TNFRSF8: variants seen among roughly 807,000 people sequenced by gnomAD.
TNFRSF8 encodes the protein TNF receptor superfamily member 8, also known as tumor necrosis factor receptor superfamily member 8.
In TNFRSF8, 26 loss-of-function variants were observed where a neutral mutation model predicts 70.8. That is an observed-to-expected ratio of 0.37 (90% CI 0.27 to 0.51). The LOEUF (loss-of-function observed/expected upper bound fraction) is 0.51, where lower values mean the gene tolerates loss of function less well. Ranked by LOEUF, TNFRSF8 falls within the 20% of genes least tolerant of loss-of-function variation. The probability of loss-of-function intolerance (pLI) is 0.94; values close to 1 mark genes in which losing one functional copy is unlikely to be tolerated. For missense variants in TNFRSF8, 720 were observed against 807.9 expected (o/e 0.89, Z 1.32); for synonymous variants, 356 against 339.2 (o/e 1.05, Z -0.54).
At chr1:12,093,361 G>A (rs142025500) in intron 2 of TNFRSF8, among the ~76,000 whole-genome samples, 1 of 152,326 alleles carries the variant, frequency 6.6e-6, no homozygotes, top group African/African-American at 2.4e-5. Flanking sequence ...TGCATGAAGT[G>A]AGCAATGTAC....
rs1206369950 is a variant in TNFRSF8, at chr1:12,119,981, G to C, written c.947-3303G>C. Among the ~76,000 whole-genome samples the C allele has an allele frequency of 6.6e-6, 1 of 152,102 alleles. No homozygotes were observed. The highest frequency in any genetic ancestry group is 1.5e-5 in the Non-Finnish European group (1 of 68,010). On this transcript the variant is annotated intron_variant, in intron 8 of 14. Transcript: ENST00000263932. This position sits in a 1 kb window ranked among gnomAD's most constrained non-coding sequence, Gnocchi z 4.4. The stretch of plus-strand genomic sequence containing the variant: ...GAACCAGAATGCAGGGATCCCAAGG[G>C]TCAGCCCAGAGTACTTCCACTGGAA...
In TNFRSF8 at chr1:12,109,430, G is replaced by A; in HGVS notation, c.422-136G>A. 2 of 637,122 alleles carry A rather than the reference G, an allele frequency of 3.1e-6. No individual in the cohort carries two copies. The highest frequency in any genetic ancestry group is 1.9e-5 in the South Asian group (1 of 51,416). 39.5% of individuals were successfully genotyped at this position (637,122 alleles called of 1,614,324 possible). A position where few individuals can be genotyped will look rare whatever the true frequency, so the allele number is the denominator to read the frequency against. ...CTCTGAAGGGGAACGGGTGCCAGGC[G>A]GGTGCCACCTCCAGATGACTGCTGT... On this transcript the variant is annotated intron_variant, in intron 4 of 14. Transcript: ENST00000263932. The surrounding 1 kb of genome is among the most constrained non-coding windows in gnomAD (Gnocchi z 4.4).
Position 12,123,349 on chromosome 1 carries a change from A to G in TNFRSF8, c.1012A>G (p.Thr338Ala). 1 of 1,612,412 alleles carries G rather than the reference A, an allele frequency of 6.2e-7. No homozygotes were observed. The highest frequency in any genetic ancestry group is 8.5e-7 in the Non-Finnish European group (1 of 1,179,466). Residue 338 changes from threonine (T) to alanine (A), a missense_variant, in exon 9 of 15, where the codon ACC (threonine) becomes GCC (alanine). Transcript: ENST00000263932. ...GGGGACCCAGCCGGACTGCAACCCC[A>G]CCCCAGAGAATGGCGAGGCGCCTGC... ...PLGTQPDCNP[T>A]PENGEAPAST...
intron 4 of TNFRSF8, among the ~76,000 whole-genome samples, chr1:12,107,395 A>C (rs77432892): frequency 7.4e-6 from 1 of 135,390 alleles, no homozygotes; most frequent in South Asian, 2.1e-4. Context: ...ACTCTGTTTC[A>C]AAAAAAAAAT....
At chr1:12,116,805 G>GA (rs1228707187) in intron 8 of TNFRSF8, among the ~76,000 whole-genome samples, 3 of 151,360 alleles carry the variant, frequency 2.0e-5, no homozygotes, top group East Asian at 1.9e-4. Context: ...GCCTAAAAAA[G>GA]AAAAAAAACC....
chr1:12,135,438 CCAT>C (rs1200546233), intron 12 of TNFRSF8, 147 bp from the exon 13 acceptor site: 1 of 1,060,286 alleles, frequency 9.4e-7, no homozygotes, highest in African/African-American at 1.6e-5. Flanking sequence ...ACTCTGAAAC[CCAT>C]CGAGGGCTCT....
chr1:12,064,251 T>C (rs1640699083), intron 1 of TNFRSF8, among the ~76,000 whole-genome samples: 1 of 152,078 alleles, frequency 6.6e-6, no homozygotes, highest in Non-Finnish European at 1.5e-5. Flanking sequence ...CTGGAGCACG[T>C]GGTGGGCATT....
At chr1:12,102,548 C>T (rs534520272) in intron 3 of TNFRSF8, among the ~76,000 whole-genome samples, 14 of 151,998 alleles carry the variant, frequency 9.2e-5, no homozygotes, top group Non-Finnish European at 1.9e-4. Context: ...TTGTTTGAGA[C>T]GGAGTCTCGC....
chr1:12,077,377 A>G (rs930043038), intron 1 of TNFRSF8, among the ~76,000 whole-genome samples: 30 of 152,176 alleles, frequency 2.0e-4, no homozygotes, highest in African/African-American at 7.2e-4. Context: ...TGATAGAGGC[A>G]AAGAGAGAGA....
chr1:12,073,255 C>T lies in TNFRSF8; in HGVS notation c.63+9594C>T, dbSNP rs1047411513. Among the ~76,000 whole-genome samples the T allele has an allele frequency of 4.0e-5, 6 of 150,830 alleles. No homozygotes were observed. The South Asian group carries it at 6.2e-4, about 16-fold the overall frequency. Reference sequence around the variant, plus strand: ...ACTCCAGCCAGGGTGACCGCAAGGCCCTGTCTTAAAAACAAACAAACAGAC... The same window carrying T: ...ACTCCAGCCAGGGTGACCGCAAGGCTCTGTCTTAAAAACAAACAAACAGAC... On this transcript the variant is annotated intron_variant, in intron 1 of 14. Coordinates refer to ENST00000263932, the MANE Select transcript of TNFRSF8 (RefSeq NM_001243.5).
intron 8 of TNFRSF8, among the ~76,000 whole-genome samples, chr1:12,118,114 C>CA (rs1051654844): frequency 5.9e-5 from 9 of 151,910 alleles, no homozygotes; most frequent in Non-Finnish European, 8.8e-5. Flanking sequence ...CCTCCCCCCC[C>CA]ACCCTTTTCT....
At chr1:12,089,502 T>G (rs1380180223) in intron 2 of TNFRSF8, among the ~76,000 whole-genome samples, 1 of 151,976 alleles carries the variant, frequency 6.6e-6, no homozygotes, top group African/African-American at 2.4e-5. Context: ...GCCTGAAAAA[T>G]CCACCAGGGT....
intron 2 of TNFRSF8, among the ~76,000 whole-genome samples, chr1:12,090,070 T>C (rs1184682519): frequency 2.7e-5 from 4 of 147,370 alleles, no homozygotes; most frequent in Non-Finnish European, 6.0e-5. Context: ...CATCCATCCA[T>C]CTACCCACTC....
At chr1:12,089,937 T>C (rs1159602536) in intron 2 of TNFRSF8, among the ~76,000 whole-genome samples, 7 of 132,320 alleles carry the variant, frequency 5.3e-5, no homozygotes, top group Non-Finnish European at 8.0e-5. Context: ...CATCCATCCA[T>C]CCATCCATCT....
rs1642128701 is a variant in TNFRSF8 at position 12,135,488 on chromosome 1, AC to A, written c.1310-98del. On this transcript the variant is annotated intron_variant, in intron 12 of 14. Coordinates refer to ENST00000263932, the MANE Select transcript of TNFRSF8 (RefSeq NM_001243.5). ...ACCTGACCCCTGGGCTGAGTTCAGC[AC>A]CACCTGTGATCCAGGAGGACCATTT... 2.9e-6 allele frequency: 4 copies of A among 1,380,610 alleles called. No individual in the cohort carries two copies. In the Admixed American group the frequency reaches 7.9e-5, roughly 27 times the overall value. The allele number at this position is 1,380,610 out of a possible 1,614,324, so 85.5% of individuals were successfully genotyped here. A position where few individuals can be genotyped will look rare whatever the true frequency, so the allele number is the denominator to read the frequency against.
chr1:12,115,520 G>C, intron 7 of TNFRSF8, 57 bp from the exon 8 acceptor site: 1 of 1,601,976 alleles, frequency 6.2e-7, no homozygotes, highest in Non-Finnish European at 8.6e-7. Flanking sequence ...GGGCTCTCTG[G>C]ACCCCCTGCC....
rs115711060 is a variant in TNFRSF8 at position 12,088,923 on chromosome 1, G to A, written c.151+4372G>A. On this transcript the variant is annotated intron_variant, in intron 2 of 14. Coordinates refer to ENST00000263932, the MANE Select transcript of TNFRSF8 (RefSeq NM_001243.5). This position sits in a 1 kb window ranked among gnomAD's most constrained non-coding sequence, Gnocchi z 4.0. ...CCTCTTCATCCTGGGCTTCAGCTGA[G>A]TGTGCTGGGCTCCCCTGTGCCCTCT... Among the ~76,000 whole-genome samples the A allele has an allele frequency of 0.026, 3,929 of 151,950 alleles. 170 individuals are homozygous for A. The highest frequency in any genetic ancestry group is 0.09 in the African/African-American group (3,732 of 41,392).
Position 12,110,371 on chromosome 1 carries a change from G to A in TNFRSF8, c.676+167G>A, listed in dbSNP as rs558303633. 5.3e-4 allele frequency among the ~76,000 whole-genome samples: 81 copies of A among 152,330 alleles called. No individual in the cohort carries two copies. The highest frequency in any genetic ancestry group is 1.9e-3 in the African/African-American group (80 of 41,584). On this transcript the variant is annotated intron_variant, in intron 6 of 14. Coordinates refer to ENST00000263932, the MANE Select transcript of TNFRSF8 (RefSeq NM_001243.5). This position sits in a 1 kb window ranked among gnomAD's most constrained non-coding sequence, Gnocchi z 4.0. ...CTAGGGCTGAAAGCATTGAGGGGCA[G>A]AGGTAGACACCAGAGGGCTCATTCA... is the stretch of plus-strand genomic sequence containing the variant.
chr1:12,085,051 A>C (rs1456857510), intron 2 of TNFRSF8, among the ~76,000 whole-genome samples: 1 of 151,976 alleles, frequency 6.6e-6, no homozygotes, highest in Non-Finnish European at 1.5e-5. Flanking sequence ...ACATCCTCTG[A>C]CCACCCTTCA....
Sources: gnomAD v4.1 joint callset for allele counts (sites outside exome capture counted in the v4.1 genomes callset) on GRCh38, gnomAD v4.1.1 for gene constraint, Gnocchi (gnomAD v3.1) non-coding constraint, MANE v1.5 for transcripts, NCBI Gene and HGNC (gene_info 2026-07-23, HGNC 2026-07-21) for gene names.